The following STK36 variants were observed in gnomAD, a reference collection of about 807,000 sequenced individuals.
STK36 encodes the protein serine/threonine-protein kinase 36.
STK36 carries 116 observed loss-of-function variants against 142.2 expected under a neutral mutation model. That is an observed-to-expected ratio of 0.82 (90% confidence interval 0.70 to 0.95). The LOEUF is 0.95. Among genes scored for constraint, STK36 ranks in the 40% least tolerant of loss-of-function variants. The pLI, the probability that STK36 is intolerant of heterozygous loss-of-function variation, is 0.00. For missense variants in STK36, 1,422 were observed against 1,617.2 expected, an observed-to-expected ratio of 0.88 and a Z score of 2.07; for synonymous variants, 619 against 641.7, an observed-to-expected ratio of 0.96 and a Z score of 0.53.
At chr2:218,676,671 CAGA>C (rs1197900250) in intron 6 of STK36, among the ~76,000 whole-genome samples, 1 of 121,244 alleles carries the variant, frequency 8.2e-6, no homozygotes, top group Non-Finnish European at 1.5e-5. Context: ...TTTTTTGAGA[CAGA>C]GTCTCGCTCT....
rs2106358291 is a variant in STK36 at position 218,689,884 on chromosome 2, A to G, written c.1586A>G (p.Gln529Arg). 2 of 1,610,172 alleles carry G rather than the reference A, an allele frequency of 1.2e-6. No homozygotes were observed. The highest frequency in any genetic ancestry group is 1.7e-6 in the Non-Finnish European group (2 of 1,178,172). The stretch of plus-strand genomic sequence containing the variant: ...CAATCTTGGTATGGGACCTTCTTAC[A>G]GGACCTGATGGCTGTGATTCAGGCC... The part of the protein sequence containing the change: ...QQQSWYGTFL[Q>R]DLMAVIQAYF... Residue 529 changes from glutamine to arginine, a missense_variant, in exon 13 of 27, where the codon CAG becomes CGG. Coordinates refer to ENST00000295709, the MANE Select transcript of STK36 (RefSeq NM_015690.5).
intron 11 of STK36, chr2:218,688,335 T>C (rs1182402293): frequency 2.1e-6 from 1 of 472,500 alleles, no homozygotes; most frequent in Non-Finnish European, 4.2e-6. Context: ...TTGTTTTATA[T>C]GCATTGTTTT....
In STK36 at chr2:218,697,466, T is replaced by C; in HGVS notation, c.2765T>C (p.Met922Thr). 1 of 1,614,080 alleles carries C rather than the reference T, an allele frequency of 6.2e-7. No homozygotes were observed. The highest frequency in any genetic ancestry group is 8.5e-7 in the Non-Finnish European group (1 of 1,179,984). Residue 922 changes from methionine to threonine, a missense_variant, in exon 24 of 27, where the codon ATG becomes ACG. This residue lies in a region of STK36 where 962 missense variants were observed against 1,167.5 expected (regional missense o/e 0.82). Coordinates refer to ENST00000295709, the MANE Select transcript of STK36 (RefSeq NM_015690.5). The part of the protein sequence containing the change: ...PDWTLISPQG[M>T]AALLSLAMAT... Reference sequence around the variant, plus strand: ...TCTCCATTTTTGGTGTTACCAGGCATGGCAGCCCTGCTGAGCCTGGCCATG... The same window carrying C: ...TCTCCATTTTTGGTGTTACCAGGCACGGCAGCCCTGCTGAGCCTGGCCATG...
In STK36 at chr2:218,699,243, A is replaced by G. The variant is rs1575145231; in HGVS notation, c.3699A>G (p.Val1233=). 2 of 1,613,756 alleles carry G rather than the reference A, an allele frequency of 1.2e-6. No individual in the cohort carries two copies. The highest frequency in any genetic ancestry group is 2.2e-5 in the South Asian group (2 of 91,060). ...GAGAGGAGCTGTTACAGTGCGAAGTACCCCAGCGGCTCCTAGAAATGGCAT... is the reference window on the plus strand; with the variant it reads ...GAGAGGAGCTGTTACAGTGCGAAGTGCCCCAGCGGCTCCTAGAAATGGCAT... ...GLGEELLQCE[V]PQRLLEMACG... The change falls in exon 26 of 27, where the codon GTA becomes GTG. Residue 1233 remains valine (V), a synonymous_variant. Coordinates refer to ENST00000295709, the MANE Select transcript of STK36 (RefSeq NM_015690.5).
chr2:218,676,254 C>T lies in STK36; in HGVS notation c.660C>T (p.Pro220=). 6.2e-7 allele frequency: 1 copy of T among 1,614,204 alleles called. No individual in the cohort carries two copies. Among genetic ancestry groups the T allele is most frequent in the Non-Finnish European group, 8.5e-7 (1 of 1,180,046 alleles). ...SLILKDPVRW[P]STISPCFKNF... is the part of the protein sequence containing the mutation. ...TTCTCAAGGACCCTGTGCGCTGGCCCTCAACCATCAGTCCCTGCTTTAAGG... is the reference window on the plus strand; with the variant it reads ...TTCTCAAGGACCCTGTGCGCTGGCCTTCAACCATCAGTCCCTGCTTTAAGG... Residue 220 remains proline, a synonymous_variant, in exon 6 of 27, where the codon CCC becomes CCT. Transcript: ENST00000295709.
Position 218,697,925 on chromosome 2 carries a change from T to C in STK36, c.2981T>C (p.Leu994Pro). 4 of 1,614,192 alleles carry C rather than the reference T, an allele frequency of 2.5e-6. No individual in the cohort carries two copies. The highest frequency in any genetic ancestry group is 3.4e-6 in the Non-Finnish European group (4 of 1,180,038). ...VCQLLCFPFALDMDADLLIGV... is the reference protein window; with the variant it reads ...VCQLLCFPFAPDMDADLLIGV... ...CAGCTCCTTTGCTTCCCCTTTGCGC[T>C]GGACATGGATGCTGACCTCCTTATA... Residue 994 changes from leucine (L) to proline (P), a missense_variant, in exon 25 of 27, where the codon CTG becomes CCG. Transcript: ENST00000295709.
Position 218,684,106 on chromosome 2 carries a change from C to CTT in STK36, c.1237-958_1237-957dup, listed in dbSNP as rs35807157. The stretch of plus-strand genomic sequence containing the variant: ...GAGCTAATGTGCCCAGCCTCACGAT[C>CTT]TTTTTTTTTTTTTTTTTTTTTTGAG... On this transcript the variant is annotated intron_variant, in intron 10 of 26. Transcript: ENST00000295709. 3.6e-3 allele frequency among the ~76,000 whole-genome samples: 382 copies of CTT among 105,084 alleles called. 5 individuals carry two copies. Among genetic ancestry groups the CTT allele is most frequent in the African/African-American group, 7.7e-3 (183 of 23,686 alleles). 68.9% of individuals were successfully genotyped at this position (105,084 alleles called of 152,430 possible).
At chr2:218,701,512 G>A (rs1941442729) in intron 26 of STK36, among the ~76,000 whole-genome samples, 1 of 152,110 alleles carries the variant, frequency 6.6e-6, no homozygotes, top group South Asian at 2.1e-4. Flanking sequence ...GTGGTAATGA[G>A]GTTAGAACTC....
At chr2:218,673,411 T>G (rs1294381191) in intron 2 of STK36, among the ~76,000 whole-genome samples, 2 of 152,186 alleles carry the variant, frequency 1.3e-5, no homozygotes, top group African/African-American at 4.8e-5. Context: ...GGGAAATGTT[T>G]TGCAGATGCT....
rs1940241931 is a variant in STK36, at chr2:218,676,296, G to A, written c.684+18G>A. On this transcript the variant is annotated intron_variant, in intron 6 of 26. Coordinates refer to ENST00000295709, the MANE Select transcript of STK36 (RefSeq NM_015690.5). ...GCTTTAAGGTAATGAATATTGAAAGGGAGATGACTTTTACATTAGAAATCT... is the reference window on the plus strand; with the variant it reads ...GCTTTAAGGTAATGAATATTGAAAGAGAGATGACTTTTACATTAGAAATCT... The A allele has an allele frequency of 6.2e-7, 1 of 1,612,422 alleles. No individual in the cohort carries two copies. Among genetic ancestry groups the A allele is most frequent in the Non-Finnish European group, 8.5e-7 (1 of 1,178,848 alleles).
intron 2 of STK36, chr2:218,673,312 CTA>C (rs947923605): frequency 5.8e-5 from 24 of 410,900 alleles, no homozygotes; most frequent in Non-Finnish European, 9.0e-5. Flanking sequence ...CACTTGAACT[CTA>C]TTATTTCCTC....
chr2:218,691,184 G>C (rs538980885), intron 14 of STK36, among the ~76,000 whole-genome samples: 1 of 152,256 alleles, frequency 6.6e-6, no homozygotes, highest in Admixed American at 6.5e-5. Flanking sequence ...GATTGAATGA[G>C]AAAATAGCTG....
In STK36 at chr2:218,676,263, C is replaced by G; in HGVS notation, c.669C>G (p.Ile223Met). 1 of 1,614,214 alleles carries G rather than the reference C, an allele frequency of 6.2e-7. No homozygotes were observed. Among genetic ancestry groups the G allele is most frequent in the Non-Finnish European group, 8.5e-7 (1 of 1,180,032 alleles). ...ACCCTGTGCGCTGGCCCTCAACCATCAGTCCCTGCTTTAAGGTAATGAATA... is the reference window on the plus strand; with the variant it reads ...ACCCTGTGCGCTGGCCCTCAACCATGAGTCCCTGCTTTAAGGTAATGAATA... ...LKDPVRWPST[I>M]SPCFKNFLQG... is the part of the protein sequence containing the mutation. Residue 223 changes from isoleucine to methionine, a missense_variant, in exon 6 of 27, where the codon ATC (isoleucine) becomes ATG (methionine). Ile to Met is a conservative substitution (Grantham distance 10). Around this residue, in one of 2 missense-constraint regions of STK36, gnomAD observed 460 missense variants for 449.6 expected, o/e 1.02. Coordinates refer to ENST00000295709, the MANE Select transcript of STK36 (RefSeq NM_015690.5).
chr2:218,689,862 T>C lies in STK36; in HGVS notation c.1564T>C (p.Ser522Pro), dbSNP rs985469373. 6.2e-7 allele frequency: 1 copy of C among 1,609,360 alleles called. No individual in the cohort carries two copies. Among genetic ancestry groups the C allele is most frequent in the African/African-American group, 1.3e-5 (1 of 74,888 alleles). The change falls in exon 13 of 27, where the codon TCT becomes CCT. Residue 522 changes from serine to proline, a missense_variant. Physicochemically the swap from Ser to Pro is moderately conservative, Grantham distance 74 (BLOSUM62 -1). Around this residue, in one of 2 missense-constraint regions of STK36, gnomAD observed 962 missense variants for 1,167.5 expected, o/e 0.82. Coordinates refer to ENST00000295709, the MANE Select transcript of STK36 (RefSeq NM_015690.5). ...SQESNSLQQQ[S>P]WYGTFLQDLM... ...CTCTTCTCCTTTTCCTGGGCAGCAA[T>C]CTTGGTATGGGACCTTCTTACAGGA...
At position 218,679,564 on chromosome 2, in the gene STK36, A is replaced by T; in HGVS notation, c.783A>T (p.Ile261=). ...CCTCCTCTTCCCTCCCTGCAGTAAT[A>T]ACTGAGCCAGCAGGCCCAGATTTGG... ...HPFIAGHVTI[I]TEPAGPDLGT... Residue 261 remains isoleucine (I), a synonymous_variant, in exon 8 of 27, where the codon ATA becomes ATT. Transcript: ENST00000295709. 6.2e-7 allele frequency: 1 copy of T among 1,613,646 alleles called. No individual in the cohort carries two copies. Among genetic ancestry groups the T allele is most frequent in the Non-Finnish European group, 8.5e-7 (1 of 1,179,786 alleles).
intron 11 of STK36, among the ~76,000 whole-genome samples, chr2:218,687,756 A>AT (rs1484105125): frequency 6.6e-6 from 1 of 152,244 alleles, no homozygotes; most frequent in African/African-American, 2.4e-5. Flanking sequence ...TTTATTTCAC[A>AT]GGGTTATTGT....
Position 218,694,731 on chromosome 2 carries a change from A to G in STK36, c.2511+96A>G. On this transcript the variant is annotated intron_variant, in intron 21 of 26. Coordinates refer to ENST00000295709, the MANE Select transcript of STK36 (RefSeq NM_015690.5). This position sits in a 1 kb window ranked among gnomAD's most constrained non-coding sequence, Gnocchi z 4.4. ...AAGACTGAAATGCCAGCAAGCCTGGAGTAAACTGAGGAATGGAAAAGGAAT... is the reference window on the plus strand; with the variant it reads ...AAGACTGAAATGCCAGCAAGCCTGGGGTAAACTGAGGAATGGAAAAGGAAT... The G allele has an allele frequency of 9.5e-7, 1 of 1,049,790 alleles. No individual in the cohort carries two copies. The highest frequency in any genetic ancestry group is 2.5e-5 in the East Asian group (1 of 40,018). The allele number at this position is 1,049,790 out of a possible 1,614,324, so 65.0% of individuals were successfully genotyped here.
chr2:218,701,797 G>A (rs186380000), intron 26 of STK36, 69 bp from the exon 27 acceptor site: 95 of 1,565,738 alleles, frequency 6.1e-5, no homozygotes, highest in African/African-American at 5.4e-5. Flanking sequence ...AGAGTCCTCC[G>A]CACCTGCCCC....
At chr2:218,692,057 C>G (rs534290290) in intron 14 of STK36, 86 bp from the exon 15 acceptor site, 1 of 1,513,420 alleles carries the variant, frequency 6.6e-7, no homozygotes, top group African/African-American at 1.4e-5. Context: ...TGTCCTCTTT[C>G]CTCAGATCCT....
Sources: allele counts gnomAD v4.1 joint callset (sites outside exome capture counted in the v4.1 genomes callset), GRCh38; gene constraint gnomAD v4.1.1; regional missense constraint gnomAD v4.1.1; non-coding constraint Gnocchi (gnomAD v3.1); transcripts MANE v1.5; gene names NCBI Gene and HGNC (gene_info 2026-07-23, HGNC 2026-07-21).